Variants in DCX observed in about 807,000 individuals in gnomAD.
DCX encodes the protein neuronal migration protein doublecortin.
Under a neutral mutation model 20.9 loss-of-function variants are expected in DCX, and 4 were observed. That is an observed-to-expected ratio of 0.19 (90% CI 0.09 to 0.44). The LOEUF (loss-of-function observed/expected upper bound fraction) is 0.44. Ranked by LOEUF, DCX falls within the 20% of genes least tolerant of loss-of-function variation. DCX has a pLI of 0.99. For synonymous variants in DCX, 103 were observed against 111.4 expected (o/e 0.92, Z 0.47); for missense variants, 133 against 296.9 (o/e 0.45, Z 4.06).
chrX:111,310,261 G>A (rs1392736977), intron 6 of DCX, among the ~76,000 whole-genome samples: 1 of 111,224 alleles, frequency 9.0e-6, no homozygotes, highest in African/African-American at 3.3e-5. Context: ...GAACCCGGGA[G>A]TGCGGAGCTT....
intron 3 of DCX, among the ~76,000 whole-genome samples, chrX:111,375,187 A>G (rs956243446): frequency 9.3e-6 from 1 of 107,811 alleles, no homozygotes; most frequent in Non-Finnish European, 1.9e-5. Context: ...AAATCTACAC[A>G]TGATAAAATT....
At chrX:111,407,898 G>A (rs999214079) in intron 2 of DCX, among the ~76,000 whole-genome samples, 3 of 109,192 alleles carry the variant, frequency 2.7e-5, no homozygotes, top group Non-Finnish European at 5.7e-5. Flanking sequence ...TGTGCATAAC[G>A]CCTCTCTTAT....
chrX:111,312,801 T>C (rs1334546092), intron 5 of DCX, 65 bp from the exon 6 acceptor site: 8 of 1,052,846 alleles, frequency 7.6e-6, no homozygotes, highest in Non-Finnish European at 9.3e-6. Flanking sequence ...CAAGTTATCC[T>C]TCCCCTCAGA....
At chrX:111,308,836 TAAATG>T (rs2147586141) in intron 6 of DCX, among the ~76,000 whole-genome samples, 1 of 111,578 alleles carries the variant, frequency 9.0e-6, no homozygotes, top group Non-Finnish European at 1.9e-5. Flanking sequence ...AAAAATTAAA[TAAATG>T]AAAGAGTTTC....
At chrX:111,352,496 C>T (rs1050542855) in intron 3 of DCX, among the ~76,000 whole-genome samples, 2 of 111,744 alleles carry the variant, frequency 1.8e-5, no homozygotes, top group Non-Finnish European at 3.8e-5. Flanking sequence ...CTTGGTCTTG[C>T]GTTAACCCTA....
intron 6 of DCX, among the ~76,000 whole-genome samples, chrX:111,311,540 G>A (rs948343908): frequency 2.7e-5 from 3 of 111,688 alleles, no homozygotes; most frequent in Non-Finnish European, 3.8e-5. Flanking sequence ...AAAACGTGAT[G>A]TCACTCAATA....
chrX:111,378,231 G>A (rs1035102338), intron 3 of DCX, among the ~76,000 whole-genome samples: 4 of 111,783 alleles, frequency 3.6e-5, no homozygotes, highest in Non-Finnish European at 7.5e-5. Flanking sequence ...AACTTCACAG[G>A]TGTTCAGAAT....
intron 3 of DCX, among the ~76,000 whole-genome samples, chrX:111,368,212 G>A (rs186528274): frequency 3.6e-5 from 4 of 111,523 alleles, no homozygotes; most frequent in African/African-American, 1.3e-4. Context: ...TGGGTTCATG[G>A]AAAGCCACAT....
intron 3 of DCX, among the ~76,000 whole-genome samples, chrX:111,399,351 G>T (rs1050199348): frequency 1.8e-5 from 2 of 111,335 alleles, no homozygotes; most frequent in Non-Finnish European, 3.8e-5. Flanking sequence ...GGAGTGTGAG[G>T]TTCAGGACAG....
rs1272537161 is a variant in DCX at position 111,382,990 on chromosome X, C to T, written c.705+18000G>A. On this transcript the variant is annotated intron_variant, in intron 3 of 6. Coordinates refer to ENST00000636035, the MANE Select transcript of DCX (RefSeq NM_001195553.2). ...ATAGAAGGATGAATCACAGAGAGTG[C>T]ATCCGATTAAATAAGGAAAGGGTGG... 4.5e-5 allele frequency among the ~76,000 whole-genome samples: 5 copies of T among 111,309 alleles called. No homozygotes were observed. The Admixed American group carries it at 4.8e-4, about 11-fold the overall frequency.
chrX:111,397,783 A>G (rs1051056165), intron 3 of DCX, among the ~76,000 whole-genome samples: 9 of 90,628 alleles, frequency 9.9e-5, no homozygotes, highest in Non-Finnish European at 2.1e-4. Flanking sequence ...ATCTACATAT[A>G]TGTGTGTGTG....
intron 6 of DCX, among the ~76,000 whole-genome samples, chrX:111,304,486 T>C (rs1163641596): frequency 2.7e-5 from 3 of 111,844 alleles, no homozygotes; most frequent in African/African-American, 9.7e-5. Context: ...TCACAACTAC[T>C]GTACCGGTGA....
At chrX:111,408,392 G>A (rs781456299) in intron 2 of DCX, among the ~76,000 whole-genome samples, 1 of 110,651 alleles carries the variant, frequency 9.0e-6, no homozygotes, top group Non-Finnish European at 1.9e-5. Flanking sequence ...GGAGGCCAAG[G>A]CGGGTGGATC....
chrX:111,323,011 CT>C (rs2095090362), intron 5 of DCX, among the ~76,000 whole-genome samples: 1 of 111,710 alleles, frequency 9.0e-6, no homozygotes, highest in South Asian at 3.7e-4. Flanking sequence ...AAGAGGACAT[CT>C]GTAGAGGGGC....
chrX:111,380,494 T>C (rs1925883626), intron 3 of DCX, among the ~76,000 whole-genome samples: 1 of 111,825 alleles, frequency 8.9e-6, no homozygotes, highest in African/African-American at 3.2e-5. Flanking sequence ...GAGTTTATTT[T>C]TGAACTCTCA....
chrX:111,351,082 A>C (rs1192567652), intron 3 of DCX, among the ~76,000 whole-genome samples: 2 of 112,126 alleles, frequency 1.8e-5, no homozygotes, highest in Non-Finnish European at 3.8e-5. Context: ...TGGGAGCTAC[A>C]ATTCAAGATG....
At chrX:111,385,709 GCAAGAAAGC>G (rs1318798001) in intron 3 of DCX, among the ~76,000 whole-genome samples, 7 of 50,756 alleles carry the variant, frequency 1.4e-4, no homozygotes, top group South Asian at 2.0e-3. Context: ...AAGCAAGAAA[GCAAGAAAGC>G]AAGGAAGGAA....
intron 3 of DCX, among the ~76,000 whole-genome samples, chrX:111,343,599 C>T (rs1468852635): frequency 8.9e-6 from 1 of 111,855 alleles, no homozygotes; most frequent in African/African-American, 3.3e-5. Context: ...CCAGCATCAT[C>T]CTGATACCAA....
intron 3 of DCX, among the ~76,000 whole-genome samples, chrX:111,386,482 C>T (rs1012116250): frequency 9.0e-6 from 1 of 111,251 alleles, no homozygotes; most frequent in African/African-American, 3.3e-5. Flanking sequence ...TACATCAGTT[C>T]GTGTCTAATC....
Sources: allele counts gnomAD v4.1 joint callset (sites outside exome capture counted in the v4.1 genomes callset), GRCh38; gene constraint gnomAD v4.1.1; transcripts MANE v1.5; gene names NCBI Gene and HGNC (gene_info 2026-07-23, HGNC 2026-07-21).